The following FANCD2OS variants were observed in gnomAD, a reference collection of about 807,000 sequenced individuals.
FANCD2OS encodes the protein FANCD2 opposite strand protein.
A neutral mutation model predicts 13.2 loss-of-function variants in FANCD2OS; 11 were observed. The observed-to-expected ratio is 0.83, with a 90% confidence interval of 0.52 to 1.38. The LOEUF (loss-of-function observed/expected upper bound fraction) is 1.38, where lower values mean the gene tolerates loss of function less well. Ranked by LOEUF, FANCD2OS falls within the 40% of genes most tolerant of loss-of-function variation. The pLI is 0.00. For missense variants in FANCD2OS, 217 were observed against 213.9 expected, an observed-to-expected ratio of 1.01 and a Z score of -0.09; for synonymous variants, 69 against 84.5, an observed-to-expected ratio of 0.82 and a Z score of 1.01.
chr3:10,087,022 C>G, intron 2 of FANCD2OS: 1 of 1,154,572 alleles, frequency 8.7e-7, no homozygotes, highest in African/African-American at 1.5e-5. Flanking sequence ...AAGGAGGATT[C>G]TGATTAGGCC....
chr3:10,087,133 G>A (rs1424654901), intron 2 of FANCD2OS: 1 of 1,614,030 alleles, frequency 6.2e-7, no homozygotes, highest in East Asian at 2.2e-5. Context: ...TCTCCTTACA[G>A]CCAGAGCGTC....
chr3:10,099,275 T>G, downstream of FANCD2OS: 1 of 1,273,184 alleles, frequency 7.9e-7, no homozygotes, highest in Non-Finnish European at 1.0e-6. Flanking sequence ...AAATAGAAGT[T>G]CTTACGCTTT....
In FANCD2OS at chr3:10,085,461, G is replaced by A. The variant is rs1694131870; in HGVS notation, c.*44-3930C>T. Among the ~76,000 whole-genome samples, 4 of 146,760 alleles carry A rather than the reference G, an allele frequency of 2.7e-5. No individual in the cohort carries two copies. In the South Asian group the frequency reaches 6.4e-4, roughly 24 times the overall value. On this transcript the variant is annotated intron_variant, in intron 2 of 2. Coordinates refer to the FANCD2OS transcript ENST00000524279. Reference sequence around the variant, plus strand: ...GGCTGGAGTGCAGTGGCACAATCTCGGCTCACTGCAGCCTCCACCTCCCGA... The same window carrying A: ...GGCTGGAGTGCAGTGGCACAATCTCAGCTCACTGCAGCCTCCACCTCCCGA...
chr3:10,099,305 C>T (rs1357868712), downstream of FANCD2OS: 7 of 1,222,700 alleles, frequency 5.7e-6, no homozygotes, highest in Admixed American at 4.1e-5. Context: ...CAGATGCTTT[C>T]GACAATTTAA....
chr3:10,105,182 A>G (rs181449447), intron 1 of FANCD2OS, among the ~76,000 whole-genome samples: 1 of 152,220 alleles, frequency 6.6e-6, no homozygotes, highest in East Asian at 1.9e-4. Context: ...AAAGGGAAGT[A>G]GGGAATGATT....
chr3:10,105,269 C>G (rs1450914657), intron 1 of FANCD2OS, among the ~76,000 whole-genome samples: 1 of 152,190 alleles, frequency 6.6e-6, no homozygotes, highest in Non-Finnish European at 1.5e-5. Flanking sequence ...GGAAGTAGGT[C>G]TTAACCCATT....
At position 10,108,209 on chromosome 3, in the gene FANCD2OS, T is replaced by C. The variant is rs67569278; in HGVS notation, c.-203A>G. 30,783 of 152,234 alleles carry C rather than the reference T, an allele frequency of 0.2. 3,537 individuals carry two copies. The highest frequency in any genetic ancestry group is 0.31 in the African/African-American group (13,069 of 41,498). The allele number at this position is 152,234 out of a possible 1,614,324, so 9.4% of individuals were successfully genotyped here. Reference sequence around the variant, plus strand: ...TGAGGCGGACGATGCGGTGGGAACCTGGGCCCAGTCCCACCATCCGGGCCC... The same window carrying C: ...TGAGGCGGACGATGCGGTGGGAACCCGGGCCCAGTCCCACCATCCGGGCCC... On this transcript the variant is annotated 5_prime_UTR_variant, in exon 1 of 2. Transcript: ENST00000450660.
At chr3:10,096,285 G>C in intron 2 of FANCD2OS, 1 of 1,608,918 alleles carries the variant, frequency 6.2e-7, no homozygotes, top group Non-Finnish European at 8.5e-7. Context: ...AAGGCATGAT[G>C]ATAAACTCAC....
intron 2 of FANCD2OS, chr3:10,085,799 T>A: frequency 6.3e-7 from 1 of 1,584,118 alleles, no homozygotes; most frequent in South Asian, 1.1e-5. Context: ...CCCTCTTACC[T>A]TGACTTCCTT....
chr3:10,084,399 C>T (rs4269070), intron 2 of FANCD2OS, among the ~76,000 whole-genome samples: 3 of 151,680 alleles, frequency 2.0e-5, no homozygotes, highest in Non-Finnish European at 4.4e-5. Flanking sequence ...TATAAATCCT[C>T]CCACCTCAGC....
At chr3:10,105,763 AAAAAAAAATTATATATATATATATAT>A (rs1189117544) in intron 1 of FANCD2OS, among the ~76,000 whole-genome samples, 1 of 71,640 alleles carries the variant, frequency 1.4e-5, no homozygotes, top group African/African-American at 1.0e-4. Flanking sequence ...AAAAAAAAAA[AAAAAAAAATTATATATATATATATAT>A]ATATATATAT....
downstream of FANCD2OS, chr3:10,099,440 T>G (rs1695172572): frequency 3.5e-6 from 2 of 578,420 alleles, no homozygotes; most frequent in Non-Finnish European, 4.6e-6. Flanking sequence ...CTGCACAACA[T>G]AACAAGACCC....
In FANCD2OS at chr3:10,104,518, CCTT is replaced by C. The variant is rs770960689; in HGVS notation, c.254_256del (p.Lys85_Gly86delinsArg). The stretch of plus-strand genomic sequence containing the variant: ...GATGGGCTGGGGCTTCCTGACCAGT[CCTT>C]TGTTGTTCATCGTGCGCAACTCTGA... On this transcript the variant is annotated inframe_deletion, in exon 2 of 2. Transcript: ENST00000450660. 3 of 1,614,026 alleles carry C rather than the reference CCTT, an allele frequency of 1.9e-6. No individual in the cohort carries two copies. In the Admixed American group the frequency reaches 5.0e-5, roughly 27 times the overall value.
At chr3:10,088,953 A>G in intron 2 of FANCD2OS, 1 of 1,613,968 alleles carries the variant, frequency 6.2e-7, no homozygotes, top group Non-Finnish European at 8.5e-7. Context: ...CTGACCAGGT[A>G]AGGGAGTTCT....
intron 1 of FANCD2OS, among the ~76,000 whole-genome samples, chr3:10,107,011 A>C: frequency 6.6e-6 from 1 of 152,198 alleles, no homozygotes; most frequent in Admixed American, 6.5e-5. Context: ...GTTTCTCATG[A>C]TCTATGTAGG....
chr3:10,099,026 C>T (rs1042899328), downstream of FANCD2OS: 34 of 1,610,538 alleles, frequency 2.1e-5, no homozygotes, highest in Admixed American at 3.0e-4. Context: ...CTGAGTATCT[C>T]GAGTTGTGGC....
intron 2 of FANCD2OS, chr3:10,095,358 C>T: frequency 9.2e-7 from 1 of 1,092,394 alleles, no homozygotes; most frequent in Non-Finnish European, 1.4e-6. Flanking sequence ...GGCTACCATC[C>T]TTCTTCCTTT....
intron 2 of FANCD2OS, among the ~76,000 whole-genome samples, chr3:10,081,682 G>C (rs35480284): frequency 9.9e-5 from 15 of 152,270 alleles, no homozygotes; most frequent in African/African-American, 3.6e-4. Flanking sequence ...TGACAGATTA[G>C]GTGACTTGCT....
chr3:10,098,111 TGTA>T (rs1190415192), downstream of FANCD2OS, among the ~76,000 whole-genome samples: 6 of 152,332 alleles, frequency 3.9e-5, no homozygotes, highest in African/African-American at 1.4e-4. Context: ...ATCTGAGTCT[TGTA>T]GTCAATTATA....
Sources: allele counts gnomAD v4.1 joint callset (sites outside exome capture counted in the v4.1 genomes callset), GRCh38; gene constraint gnomAD v4.1.1; transcripts MANE v1.5; gene names NCBI Gene and HGNC (gene_info 2026-07-23, HGNC 2026-07-21).